GPC6: variants seen among roughly 807,000 people sequenced by gnomAD.
GPC6 encodes glypican-6.
A neutral mutation model predicts 55.2 loss-of-function variants in GPC6; 14 were observed. The observed-to-expected ratio is 0.25, with a 90% confidence interval of 0.17 to 0.40. The LOEUF (loss-of-function observed/expected upper bound fraction) is 0.40, where lower values mean the gene tolerates loss of function less well. GPC6 is among the 10% of genes least tolerant of loss of function. The pLI is 1.00. For synonymous variants in GPC6, 278 were observed against 259.6 expected (o/e 1.07, Z -0.68); for missense variants, 641 against 708.5 (o/e 0.90, Z 1.08).
At chr13:93,378,079 A>G (rs1874997605) in intron 1 of GPC6, among the ~76,000 whole-genome samples, 1 of 152,184 alleles carries the variant, frequency 6.6e-6, no homozygotes, top group Non-Finnish European at 1.5e-5. Context: ...ATTCTAAGGT[A>G]TTTTAAAAGC....
chr13:93,312,971 G>C (rs1041737147), intron 1 of GPC6, among the ~76,000 whole-genome samples: 1 of 152,174 alleles, frequency 6.6e-6, no homozygotes, highest in African/African-American at 2.4e-5. Context: ...AATGAAAGCA[G>C]ATATTAGAGA....
At chr13:93,450,571 T>C (rs1313522707) in intron 1 of GPC6, among the ~76,000 whole-genome samples, 1 of 152,180 alleles carries the variant, frequency 6.6e-6, no homozygotes, top group East Asian at 1.9e-4. Flanking sequence ...CTGTGGGGAC[T>C]GGTCAAAGGT....
intron 4 of GPC6, among the ~76,000 whole-genome samples, chr13:94,075,025 A>G (rs1884859906): frequency 1.3e-5 from 2 of 152,052 alleles, no homozygotes; most frequent in Non-Finnish European, 2.9e-5. Context: ...ATTTTTTTTT[A>G]TACTCATTAT....
intron 4 of GPC6, among the ~76,000 whole-genome samples, chr13:94,196,763 A>G (rs540409997): frequency 4.6e-5 from 7 of 152,290 alleles, no homozygotes; most frequent in African/African-American, 1.7e-4. Flanking sequence ...TTCATTTTCA[A>G]TTTCTTCCCA....
In GPC6 at chr13:94,275,539, A is replaced by T. The variant is rs61277789; in HGVS notation, c.878-10810A>T. ...CTTAGAAAGGAGAAGACCTGTGTTAAGTATGCACAAGACTGAGGGAATGTA... is the reference window on the plus strand; with the variant it reads ...CTTAGAAAGGAGAAGACCTGTGTTATGTATGCACAAGACTGAGGGAATGTA... On this transcript the variant is annotated intron_variant, in intron 4 of 8. Transcript: ENST00000377047. Among the ~76,000 whole-genome samples the T allele has an allele frequency of 7.6e-3, 1,152 of 152,278 alleles. 21 individuals carry two copies. The highest frequency in any genetic ancestry group is 0.026 in the African/African-American group (1,071 of 41,566).
chr13:93,610,830 T>C (rs988210279), intron 2 of GPC6, among the ~76,000 whole-genome samples: 17 of 152,124 alleles, frequency 1.1e-4, no homozygotes, highest in African/African-American at 4.1e-4. Context: ...ACTGACTGGA[T>C]TGATTTTATG....
At chr13:94,392,460 C>G (rs1188003637) in intron 7 of GPC6, among the ~76,000 whole-genome samples, 2 of 121,030 alleles carry the variant, frequency 1.7e-5, no homozygotes, top group South Asian at 2.7e-4. Context: ...TGGAGTTTAG[C>G]TCTTGTGGCC....
chr13:93,597,006 G>GAAA (rs1877778293), intron 2 of GPC6, among the ~76,000 whole-genome samples: 1 of 70,530 alleles, frequency 1.4e-5, no homozygotes, highest in African/African-American at 8.6e-5. Context: ...TTCAAATCTG[G>GAAA]CAAAAAAAAA....
At chr13:93,840,801 A>G (rs1448946154) in intron 3 of GPC6, among the ~76,000 whole-genome samples, 2 of 152,188 alleles carry the variant, frequency 1.3e-5, no homozygotes, top group Admixed American at 1.3e-4. Context: ...GGGAACATCC[A>G]CGGGTGAAAT....
chr13:94,147,144 A>G (rs1887589236), intron 4 of GPC6, among the ~76,000 whole-genome samples: 1 of 152,162 alleles, frequency 6.6e-6, no homozygotes, highest in South Asian at 2.1e-4. Context: ...AGAAAATTGA[A>G]GTGATTATAA....
At chr13:93,876,975 A>G (rs1448506799) in intron 3 of GPC6, among the ~76,000 whole-genome samples, 1 of 152,074 alleles carries the variant, frequency 6.6e-6, no homozygotes, top group African/African-American at 2.4e-5. Context: ...AACTGTTGGT[A>G]TATTTGGACA....
At chr13:94,274,476 T>G (rs2139069094) in intron 4 of GPC6, among the ~76,000 whole-genome samples, 1 of 152,348 alleles carries the variant, frequency 6.6e-6, no homozygotes, top group African/African-American at 2.4e-5. Context: ...TTCCATTTTC[T>G]ATTGTTTACC....
intron 3 of GPC6, among the ~76,000 whole-genome samples, chr13:93,852,563 A>G (rs1346866710): frequency 3.3e-5 from 5 of 151,776 alleles, no homozygotes; most frequent in Non-Finnish European, 7.4e-5. Context: ...AGTAGAGCCT[A>G]CAGTATAAAG....
At chr13:94,170,368 G>T (rs1037103144) in intron 4 of GPC6, among the ~76,000 whole-genome samples, 1 of 152,196 alleles carries the variant, frequency 6.6e-6, no homozygotes, top group Non-Finnish European at 1.5e-5. Flanking sequence ...ATTCATGCCA[G>T]TAACTCAGCC....
At chr13:93,743,651 G>A (rs1490930599) in intron 2 of GPC6, among the ~76,000 whole-genome samples, 2 of 151,754 alleles carry the variant, frequency 1.3e-5, no homozygotes, top group Admixed American at 6.6e-5. Context: ...GATTTTTAAT[G>A]GCTTCTAATA....
At chr13:93,423,223 A>C (rs1876990749) in intron 1 of GPC6, among the ~76,000 whole-genome samples, 1 of 152,178 alleles carries the variant, frequency 6.6e-6, no homozygotes, top group South Asian at 2.1e-4. Context: ...TAATAAAAAT[A>C]ACCATCACAC....
At chr13:94,275,245 A>G (rs908164750) in intron 4 of GPC6, among the ~76,000 whole-genome samples, 7 of 152,196 alleles carry the variant, frequency 4.6e-5, no homozygotes, top group African/African-American at 9.6e-5. Context: ...AATAACAAAT[A>G]TACATATAAT....
intron 2 of GPC6, among the ~76,000 whole-genome samples, chr13:93,584,472 G>T (rs1877091081): frequency 6.6e-6 from 1 of 151,960 alleles, no homozygotes; most frequent in Admixed American, 6.6e-5. Flanking sequence ...CTCTTTGAAG[G>T]ATAATGGAAT....
intron 6 of GPC6, among the ~76,000 whole-genome samples, chr13:94,362,797 A>C (rs1309284020): frequency 6.6e-6 from 1 of 152,184 alleles, no homozygotes; most frequent in Non-Finnish European, 1.5e-5. Context: ...CTCTTTGGTA[A>C]TCTTTAATCC....
Sources: allele counts gnomAD v4.1 joint callset (sites outside exome capture counted in the v4.1 genomes callset), GRCh38; gene constraint gnomAD v4.1.1; transcripts MANE v1.5; gene names NCBI Gene and HGNC (gene_info 2026-07-23, HGNC 2026-07-21).